Variants in DSCAM observed in about 807,000 individuals in gnomAD.
DSCAM encodes DS cell adhesion molecule, also known as cell adhesion molecule DSCAM.
A neutral mutation model predicts 217.7 loss-of-function variants in DSCAM; 47 were observed. The observed-to-expected ratio is 0.22, with a 90% confidence interval of 0.17 to 0.28. The LOEUF is 0.28. Ranked by LOEUF, DSCAM falls within the 10% of genes least tolerant of loss-of-function variation. The pLI is 1.00. For synonymous variants in DSCAM, 1,056 were observed against 1,015.3 expected (o/e 1.04, Z -0.76); for missense variants, 2,080 against 2,618.3 (o/e 0.79, Z 4.49).
intron 3 of DSCAM, among the ~76,000 whole-genome samples, chr21:40,669,670 C>T (rs1035930139): frequency 3.3e-5 from 5 of 151,474 alleles, no homozygotes; most frequent in African/African-American, 1.2e-4. Context: ...CCTCCATCTC[C>T]CGGGCTCAAG....
intron 3 of DSCAM, among the ~76,000 whole-genome samples, chr21:40,518,501 A>ATATAT (rs1298701522): frequency 2.4e-4 from 3 of 12,394 alleles, no homozygotes; most frequent in African/African-American, 2.1e-3. Flanking sequence ...ATTATATATT[A>ATATAT]TATATATAAT....
intron 1 of DSCAM, among the ~76,000 whole-genome samples, chr21:40,812,708 C>T (rs549567357): frequency 2.0e-5 from 3 of 152,284 alleles, no homozygotes; most frequent in African/African-American, 4.8e-5. Flanking sequence ...AAGTTATGGG[C>T]ACACATTTAT....
At chr21:40,040,232 A>T (rs1417278311) in intron 32 of DSCAM, among the ~76,000 whole-genome samples, 3 of 152,236 alleles carry the variant, frequency 2.0e-5, no homozygotes, top group Non-Finnish European at 4.4e-5. Flanking sequence ...ACCTATATTT[A>T]TAAAATCATT....
At chr21:40,369,765 A>C (rs1456351269) in intron 3 of DSCAM, among the ~76,000 whole-genome samples, 1 of 152,196 alleles carries the variant, frequency 6.6e-6, no homozygotes, top group Non-Finnish European at 1.5e-5. Context: ...AATATTCTAC[A>C]AACTTCCCCT....
chr21:40,619,424 G>C (rs763760351), intron 3 of DSCAM, among the ~76,000 whole-genome samples: 1 of 152,042 alleles, frequency 6.6e-6, no homozygotes, highest in Non-Finnish European at 1.5e-5. Flanking sequence ...ATATGTTGGG[G>C]TAATAGTTTT....
intron 1 of DSCAM, among the ~76,000 whole-genome samples, chr21:40,736,721 C>G (rs569867003): frequency 4.1e-4 from 63 of 152,234 alleles, no homozygotes; most frequent in African/African-American, 1.4e-3. Context: ...GGACAAAGAC[C>G]AAATATCTTT....
chr21:40,559,782 CTGTCTTTTTTTTTT>C lies in DSCAM; in HGVS notation c.508+133014_508+133027del, dbSNP rs1321103247. ...GCTGTTTTGATGCTTTTAAAATTTT[CTGTCTTTTTTTTTT>C]TTTTTTTTTTCTTTGAGATGGAGTC... On this transcript the variant is annotated intron_variant, in intron 3 of 32. Coordinates refer to ENST00000400454, the MANE Select transcript of DSCAM (RefSeq NM_001389.5). Among the ~76,000 whole-genome samples, 35 of 111,440 alleles carry C rather than the reference CTGTCTTTTTTTTTT, an allele frequency of 3.1e-4. No individual in the cohort carries two copies. In the East Asian group the frequency reaches 0.013, roughly 41 times the overall value. 73.1% of individuals were successfully genotyped at this position (111,440 alleles called of 152,430 possible). A position where few individuals can be genotyped will look rare whatever the true frequency, so the allele number is the denominator to read the frequency against.
intron 19 of DSCAM, among the ~76,000 whole-genome samples, chr21:40,127,305 C>A (rs766029147): frequency 6.6e-6 from 1 of 152,170 alleles, no homozygotes; most frequent in Non-Finnish European, 1.5e-5. Flanking sequence ...ACACCAGACA[C>A]TGAGAGTTGC....
chr21:40,526,494 C>T (rs543366619), intron 3 of DSCAM, among the ~76,000 whole-genome samples: 1 of 152,118 alleles, frequency 6.6e-6, no homozygotes, highest in Admixed American at 6.5e-5. Flanking sequence ...AAACTGGATG[C>T]CTTCCCCTTT....
intron 1 of DSCAM, among the ~76,000 whole-genome samples, chr21:40,818,480 A>AG (rs1451747980): frequency 7.6e-6 from 1 of 131,644 alleles, no homozygotes; most frequent in Non-Finnish European, 1.6e-5. Context: ...CGGGAGGTGG[A>AG]GCTTGCAGTG....
chr21:40,339,077 T>G, intron 7 of DSCAM, 42 bp downstream of exon 7: 52 of 1,603,064 alleles, frequency 3.2e-5, no homozygotes, highest in Non-Finnish European at 4.3e-5. Context: ...TCCACTATAA[T>G]GAGTTATGTG....
At chr21:40,407,828 A>G (rs540700445) in intron 3 of DSCAM, among the ~76,000 whole-genome samples, 6 of 152,302 alleles carry the variant, frequency 3.9e-5, no homozygotes, top group African/African-American at 1.2e-4. Context: ...AAACTTATTA[A>G]TATAAGCTGT....
At chr21:40,065,457 C>T (rs1035965995) in intron 27 of DSCAM, among the ~76,000 whole-genome samples, 2 of 152,050 alleles carry the variant, frequency 1.3e-5, no homozygotes, top group African/African-American at 4.8e-5. Context: ...AATTTAAAGT[C>T]CCGGAATCAC....
At chr21:40,347,602 T>G (rs1023570530) in intron 6 of DSCAM, 68 bp downstream of exon 6, 4 of 1,596,608 alleles carry the variant, frequency 2.5e-6, no homozygotes, top group East Asian at 2.2e-5. Flanking sequence ...TCACCCTGTC[T>G]TCTTCTTTTC....
chr21:40,578,132 T>C lies in DSCAM; in HGVS notation c.508+114678A>G, dbSNP rs539378666. On this transcript the variant is annotated intron_variant, in intron 3 of 32. Transcript: ENST00000400454. ...GTATATAGGAACAGAAGAACCCTCA[T>C]GCACTGAGAAAAATAGAGTGCAGGC... Among the ~76,000 whole-genome samples the C allele has an allele frequency of 2.6e-5, 4 of 152,306 alleles. No individual in the cohort carries two copies. In the East Asian group the frequency reaches 7.7e-4, roughly 29 times the overall value.
intron 1 of DSCAM, among the ~76,000 whole-genome samples, 155 bp from the exon 2 acceptor site, chr21:40,708,926 A>C (rs1032693825): frequency 1.3e-5 from 2 of 152,232 alleles, no homozygotes; most frequent in African/African-American, 4.8e-5. Flanking sequence ...AAATGCTGTG[A>C]GCAGACAGGC....
At chr21:40,653,090 G>A (rs968899303) in intron 3 of DSCAM, among the ~76,000 whole-genome samples, 9 of 152,164 alleles carry the variant, frequency 5.9e-5, no homozygotes, top group South Asian at 2.1e-4. Flanking sequence ...CCTGTGCCTG[G>A]TCTTTCCTGG....
intron 2 of DSCAM, among the ~76,000 whole-genome samples, chr21:40,702,892 T>C (rs1257053226): frequency 6.6e-6 from 1 of 152,182 alleles, no homozygotes; most frequent in African/African-American, 2.4e-5. Flanking sequence ...TAACCTCCAA[T>C]ATTACACTCC....
intron 3 of DSCAM, among the ~76,000 whole-genome samples, chr21:40,371,541 A>G (rs1017700936): frequency 3.3e-5 from 5 of 152,106 alleles, no homozygotes; most frequent in Admixed American, 2.0e-4. Context: ...TTTGTGTGCC[A>G]TTTTCCAGAA....
Sources: allele counts gnomAD v4.1 joint callset (sites outside exome capture counted in the v4.1 genomes callset), GRCh38; gene constraint gnomAD v4.1.1; transcripts MANE v1.5; gene names NCBI Gene and HGNC (gene_info 2026-07-23, HGNC 2026-07-21).